The following EPHX4 variants were observed in gnomAD, a reference collection of about 807,000 sequenced individuals.
EPHX4 encodes the protein epoxide hydrolase 4.
A neutral mutation model predicts 44.9 loss-of-function variants in EPHX4; 31 were observed. The observed-to-expected ratio is 0.69, with a 90% CI of 0.52 to 0.93. The LOEUF (loss-of-function observed/expected upper bound fraction) is 0.93. Among genes scored for constraint, EPHX4 ranks in the 40% least tolerant of loss-of-function variants. The probability of loss-of-function intolerance (pLI) is 0.00; values close to 1 mark genes in which losing one functional copy is unlikely to be tolerated. For synonymous variants in EPHX4, 151 were observed against 159.7 expected (o/e 0.95, Z 0.41); for missense variants, 373 against 438.1 (o/e 0.85, Z 1.33).
At chr1:92,050,246 A>T in intron 4 of EPHX4, 71 bp from the exon 5 acceptor site, 1 of 953,556 alleles carries the variant, frequency 1.0e-6, no homozygotes, top group Non-Finnish European at 1.6e-6. Flanking sequence ...AATTGTCCTA[A>T]AAAGAAGTTC....
chr1:92,035,709 C>T (rs926798468), intron 2 of EPHX4, among the ~76,000 whole-genome samples: 4 of 152,096 alleles, frequency 2.6e-5, no homozygotes, highest in Non-Finnish European at 4.4e-5. Flanking sequence ...ACTATCAACC[C>T]GTCATGTAGG....
At chr1:92,063,030 A>G in intron 6 of EPHX4, 25 bp from the exon 7 acceptor site, 1 of 1,582,602 alleles carries the variant, frequency 6.3e-7, no homozygotes, top group African/African-American at 1.3e-5. Context: ...AGTGAATCTC[A>G]AGCCCATGTA....
In EPHX4 at chr1:92,045,585, C is replaced by G; in HGVS notation, c.529C>G (p.Leu177Val). The G allele has an allele frequency of 6.2e-7, 1 of 1,613,960 alleles. No individual in the cohort carries two copies. The highest frequency in any genetic ancestry group is 2.2e-5 in the East Asian group (1 of 44,852). ...TGACTGGGGGGGCATGATTGCTTGG[C>G]TAATTGCCATCTGTTATCCTGAAAT... is the stretch of plus-strand genomic sequence containing the variant. ...GHDWGGMIAW[L>V]IAICYPEMVM... Residue 177 changes from leucine to valine, a missense_variant, in exon 4 of 7, where the codon CTA becomes GTA. Coordinates refer to ENST00000370383, the MANE Select transcript of EPHX4 (RefSeq NM_173567.5).
intron 6 of EPHX4, among the ~76,000 whole-genome samples, chr1:92,062,335 C>A: frequency 6.6e-6 from 1 of 151,796 alleles, no homozygotes; most frequent in East Asian, 1.9e-4. Context: ...GCTGTAATCC[C>A]AGCACTTTGG....
intron 2 of EPHX4, 109 bp downstream of exon 2, chr1:92,032,699 C>T: frequency 1.0e-6 from 1 of 958,218 alleles, no homozygotes; most frequent in Non-Finnish European, 1.6e-6. Flanking sequence ...TTAAAATGAA[C>T]ATAAATGATT....
In EPHX4 at chr1:92,030,076, C is replaced by T. The variant is rs377639909; in HGVS notation, c.-4C>T. 1.1e-5 allele frequency: 18 copies of T among 1,588,596 alleles called. No homozygotes were observed. The highest frequency in any genetic ancestry group is 3.5e-5 in the Admixed American group (2 of 57,212). ...AGGGCAGTGGGCCCCGCCGCCGCCT[C>T]CCAATGGCGAGGCTGCGGGATTGCC... is the stretch of plus-strand genomic sequence containing the variant. On this transcript the variant is annotated 5_prime_UTR_variant, in exon 1 of 7. Transcript: ENST00000370383.
Position 92,045,591 on chromosome 1 carries a change from G to A in EPHX4, c.535G>A (p.Ala179Thr). The A allele has an allele frequency of 6.2e-7, 1 of 1,613,930 alleles. No homozygotes were observed. The change falls in exon 4 of 7, where the codon GCC becomes ACC. Residue 179 changes from alanine to threonine, a missense_variant. Physicochemically the swap from Ala to Thr is moderately conservative, Grantham distance 58 (BLOSUM62 0). Transcript: ENST00000370383. Reference protein sequence around the residue: ...DWGGMIAWLIAICYPEMVMKL... With the variant: ...DWGGMIAWLITICYPEMVMKL... ...GGGGGGCATGATTGCTTGGCTAATT[G>A]CCATCTGTTATCCTGAAATGGTGAT...
chr1:92,044,764 G>A (rs1688559456), intron 3 of EPHX4, among the ~76,000 whole-genome samples: 1 of 152,026 alleles, frequency 6.6e-6, no homozygotes, highest in Non-Finnish European at 1.5e-5. Context: ...TTATGAGGTT[G>A]GACATAGATG....
chr1:92,046,248 C>A (rs1688579815), intron 4 of EPHX4, among the ~76,000 whole-genome samples: 1 of 152,048 alleles, frequency 6.6e-6, no homozygotes, highest in Non-Finnish European at 1.5e-5. Flanking sequence ...TCTTCCAAAA[C>A]AAAATTTTAG....
chr1:92,037,485 ACTCT>A (rs1055646552), intron 2 of EPHX4, among the ~76,000 whole-genome samples: 3 of 151,846 alleles, frequency 2.0e-5, no homozygotes, highest in African/African-American at 7.3e-5. Flanking sequence ...TCTTTCTCCC[ACTCT>A]CTCTCTCCAC....
At chr1:92,057,213 A>G (rs1257000125) in intron 6 of EPHX4, among the ~76,000 whole-genome samples, 3 of 152,086 alleles carry the variant, frequency 2.0e-5, no homozygotes, top group Non-Finnish European at 4.4e-5. Flanking sequence ...ACAATAAAAA[A>G]CAAAGACACA....
chr1:92,038,109 C>T (rs575037013), intron 2 of EPHX4, among the ~76,000 whole-genome samples: 3 of 152,266 alleles, frequency 2.0e-5, no homozygotes, highest in Non-Finnish European at 4.4e-5. Flanking sequence ...TGTTTGGCTT[C>T]ACTCATTGTT....
intron 4 of EPHX4, among the ~76,000 whole-genome samples, chr1:92,049,480 G>A (rs1438357495): frequency 6.6e-6 from 1 of 152,130 alleles, no homozygotes; most frequent in African/African-American, 2.4e-5. Context: ...TAAGTTCATT[G>A]TTTGTGGGAA....
chr1:92,051,409 T>A (rs183048148), intron 5 of EPHX4, among the ~76,000 whole-genome samples: 2 of 152,332 alleles, frequency 1.3e-5, no homozygotes, highest in East Asian at 3.9e-4. Context: ...TATTTAGTTG[T>A]TATGGCTTTT....
At chr1:92,038,867 G>C (rs1301457007) in intron 2 of EPHX4, among the ~76,000 whole-genome samples, 1 of 152,102 alleles carries the variant, frequency 6.6e-6, no homozygotes, top group Non-Finnish European at 1.5e-5. Context: ...ATGGACTCTG[G>C]GGCCAGACTC....
At chr1:92,037,498 A>T (rs1688456437) in intron 2 of EPHX4, among the ~76,000 whole-genome samples, 1 of 152,020 alleles carries the variant, frequency 6.6e-6, no homozygotes, top group Non-Finnish European at 1.5e-5. Flanking sequence ...CTCTCTCTCC[A>T]CTTCAATTTG....
intron 5 of EPHX4, among the ~76,000 whole-genome samples, chr1:92,052,269 G>T (rs1283173572): frequency 6.6e-6 from 1 of 152,158 alleles, no homozygotes; most frequent in Non-Finnish European, 1.5e-5. Flanking sequence ...AAGACAGGAT[G>T]CTTTTTATAA....
chr1:92,031,699 T>C (rs2101864519), intron 1 of EPHX4, among the ~76,000 whole-genome samples: 1 of 152,368 alleles, frequency 6.6e-6, no homozygotes, highest in Non-Finnish European at 1.5e-5. Context: ...GTTCTTTTTG[T>C]TTCCTAGCTT....
chr1:92,055,733 A>G (rs1364053317), intron 6 of EPHX4, among the ~76,000 whole-genome samples: 1 of 152,216 alleles, frequency 6.6e-6, no homozygotes, highest in African/African-American at 2.4e-5. Context: ...CACATTTTCA[A>G]ACAAGTCTTT....
Sources: allele counts gnomAD v4.1 joint callset (sites outside exome capture counted in the v4.1 genomes callset), GRCh38; gene constraint gnomAD v4.1.1; transcripts MANE v1.5; gene names NCBI Gene and HGNC (gene_info 2026-07-23, HGNC 2026-07-21).